The following RBFOX1 variants were observed in gnomAD, a reference collection of about 807,000 sequenced individuals.
RBFOX1 encodes the protein RNA binding fox-1 homolog 1.
RBFOX1 carries 8 observed loss-of-function variants against 57.7 expected under a neutral mutation model. The ratio of observed to expected loss-of-function variants is 0.14; its 90% confidence interval spans 0.08 to 0.25. The LOEUF is 0.25. RBFOX1 is among the 10% of genes least tolerant of loss of function. The probability of loss-of-function intolerance (pLI) is 1.00; values close to 1 mark genes in which losing one functional copy is unlikely to be tolerated. For missense variants in RBFOX1, 611 were observed against 548.5 expected, an observed-to-expected ratio of 1.11 and a Z score of -1.14; for synonymous variants, 326 against 222.4, an observed-to-expected ratio of 1.47 and a Z score of -4.15.
At chr16:6,797,197 A>T (rs57413177) in intron 3 of RBFOX1, among the ~76,000 whole-genome samples, 5 of 152,150 alleles carry the variant, frequency 3.3e-5, no homozygotes. Context: ...TGAGTCGCCT[A>T]TGTTTACTAA....
chr16:6,939,271 G>A (rs983077837), intron 3 of RBFOX1, among the ~76,000 whole-genome samples: 1 of 152,112 alleles, frequency 6.6e-6, no homozygotes, highest in East Asian at 1.9e-4. Flanking sequence ...AGACATGAGT[G>A]TAATATGAGT....
chr16:7,381,267 G>C (rs1474757747), intron 4 of RBFOX1, among the ~76,000 whole-genome samples: 2 of 152,154 alleles, frequency 1.3e-5, no homozygotes, highest in Non-Finnish European at 2.9e-5. Flanking sequence ...TATGGGCCCT[G>C]ACTTTTCTTG....
chr16:6,331,953 G>C (rs976956617), intron 2 of RBFOX1, among the ~76,000 whole-genome samples: 1 of 152,130 alleles, frequency 6.6e-6, no homozygotes, highest in African/African-American at 2.4e-5. Context: ...ATGAGAGGCT[G>C]ACATTCTTAA....
intron 2 of RBFOX1, among the ~76,000 whole-genome samples, chr16:5,598,678 A>T (rs971492928): frequency 1.3e-5 from 2 of 152,202 alleles, no homozygotes; most frequent in Non-Finnish European, 2.9e-5. Context: ...GCCCATTTCA[A>T]TGAGACTAGC....
intron 2 of RBFOX1, among the ~76,000 whole-genome samples, chr16:6,336,837 G>C (rs752396935): frequency 5.9e-5 from 9 of 152,232 alleles, no homozygotes; most frequent in Non-Finnish European, 1.2e-4. Context: ...TTTAACACCT[G>C]AGTGAAAACG....
chr16:7,248,130 T>TAA (rs1258566301), intron 4 of RBFOX1, among the ~76,000 whole-genome samples: 1 of 152,208 alleles, frequency 6.6e-6, no homozygotes, highest in Non-Finnish European at 1.5e-5. Context: ...GGCAAAGACT[T>TAA]CAGAGGGAGA....
chr16:7,360,350 T>C (rs1175682999), intron 4 of RBFOX1, among the ~76,000 whole-genome samples: 1 of 152,152 alleles, frequency 6.6e-6, no homozygotes, highest in Non-Finnish European at 1.5e-5. Context: ...AGATCAGAAA[T>C]GGTGGCTCTG....
chr16:6,565,860 C>T lies in RBFOX1; in HGVS notation c.-63-88743C>T, dbSNP rs115576044. Among the ~76,000 whole-genome samples the T allele has an allele frequency of 4.8e-3, 734 of 152,314 alleles. 9 individuals are homozygous for T. Among genetic ancestry groups the T allele is most frequent in the African/African-American group, 0.017 (695 of 41,562 alleles). On this transcript the variant is annotated intron_variant, in intron 2 of 15. Transcript: ENST00000550418. ...TGTGAGGCTATCAATCAGGGTAAGA[C>T]AGGCTATGCTGTAGTAACACATAAC...
chr16:7,699,447 C>T (rs1348066762), intron 14 of RBFOX1, among the ~76,000 whole-genome samples: 2 of 152,170 alleles, frequency 1.3e-5, no homozygotes, highest in Admixed American at 6.5e-5. Context: ...CCCCTTTGGC[C>T]TACCAAAGTC....
chr16:5,321,562 C>T (rs955267648), intron 1 of RBFOX1, among the ~76,000 whole-genome samples: 2 of 152,118 alleles, frequency 1.3e-5, no homozygotes, highest in African/African-American at 2.4e-5. Flanking sequence ...CCTCGTGATC[C>T]GCCCATGTTG....
intron 1 of RBFOX1, among the ~76,000 whole-genome samples, chr16:6,181,075 C>T (rs2097059085): frequency 6.6e-6 from 1 of 152,124 alleles, no homozygotes; most frequent in Admixed American, 6.5e-5. Context: ...CTACTGGTTC[C>T]TTTGGTATCA....
At chr16:7,208,358 A>G (rs755875940) in intron 4 of RBFOX1, among the ~76,000 whole-genome samples, 13 of 152,174 alleles carry the variant, frequency 8.5e-5, no homozygotes, top group Non-Finnish European at 1.5e-4. Context: ...TTTATAAAGA[A>G]AAGAGGGGTG....
chr16:7,476,430 C>T (rs903959942), intron 4 of RBFOX1, among the ~76,000 whole-genome samples: 7 of 152,120 alleles, frequency 4.6e-5, no homozygotes, highest in Admixed American at 6.6e-5. Flanking sequence ...ATGCCTGACA[C>T]GTAAAGATCA....
chr16:6,972,171 C>T (rs1050960334), intron 3 of RBFOX1, among the ~76,000 whole-genome samples: 4 of 151,760 alleles, frequency 2.6e-5, no homozygotes, highest in Admixed American at 6.6e-5. Context: ...AGTATATTCA[C>T]GTTGTTGTGA....
At chr16:7,614,338 C>T (rs772189063) in intron 10 of RBFOX1, 1 of 152,154 alleles carries the variant, frequency 6.6e-6, no homozygotes, top group African/African-American at 2.4e-5. Flanking sequence ...ATTCACTTCG[C>T]TTCTCTCCTC....
intron 3 of RBFOX1, among the ~76,000 whole-genome samples, chr16:6,676,158 AC>A (rs2057642507): frequency 2.6e-5 from 4 of 151,576 alleles, no homozygotes; most frequent in Non-Finnish European, 5.9e-5. Flanking sequence ...ACACACACAC[AC>A]ACACACACAC....
intron 3 of RBFOX1, among the ~76,000 whole-genome samples, chr16:5,817,587 A>T (rs531378945): frequency 1.3e-5 from 2 of 151,922 alleles, no homozygotes; most frequent in African/African-American, 4.8e-5. Flanking sequence ...TTAGTGGGAG[A>T]AGCCCAGCTG....
At chr16:7,095,251 C>A (rs1599340961) in intron 4 of RBFOX1, among the ~76,000 whole-genome samples, 1 of 152,182 alleles carries the variant, frequency 6.6e-6, no homozygotes, top group Non-Finnish European at 1.5e-5. Context: ...ATTCTCCTGC[C>A]TCAGCCTACC....
At chr16:7,696,011 T>G (rs2078698247) in intron 14 of RBFOX1, among the ~76,000 whole-genome samples, 1 of 152,112 alleles carries the variant, frequency 6.6e-6, no homozygotes, top group Non-Finnish European at 1.5e-5. Context: ...ACAGCAGCAT[T>G]TCAGGATTTG....
Sources: allele counts gnomAD v4.1 joint callset (sites outside exome capture counted in the v4.1 genomes callset), GRCh38; gene constraint gnomAD v4.1.1; transcripts MANE v1.5; gene names NCBI Gene and HGNC (gene_info 2026-07-23, HGNC 2026-07-21).